The following CACNA2D2 variants were observed in gnomAD, a reference collection of about 807,000 sequenced individuals.
The protein encoded by CACNA2D2 is voltage-dependent calcium channel subunit alpha-2/delta-2.
A neutral mutation model predicts 166.4 loss-of-function variants in CACNA2D2; 48 were observed. That is an observed-to-expected ratio of 0.29 (90% CI 0.23 to 0.37). CACNA2D2 has a LOEUF of 0.37. CACNA2D2 is among the 10% of genes least tolerant of loss of function. The pLI is 1.00. For synonymous variants in CACNA2D2, 561 were observed against 573.7 expected (o/e 0.98, Z 0.32); for missense variants, 1,122 against 1,433.0 (o/e 0.78, Z 3.50).
At chr3:50,451,867 C>T (rs1196849201) in intron 2 of CACNA2D2, among the ~76,000 whole-genome samples, 1 of 152,154 alleles carries the variant, frequency 6.6e-6, no homozygotes, top group African/African-American at 2.4e-5. Context: ...GGCAATGGTC[C>T]ATTTTGCAGG....
At chr3:50,400,125 AT>A (rs1706368486) in intron 3 of CACNA2D2, among the ~76,000 whole-genome samples, 1 of 152,260 alleles carries the variant, frequency 6.6e-6, no homozygotes, top group Non-Finnish European at 1.5e-5. Context: ...TGAGTAAATA[AT>A]ATACATATTT....
In CACNA2D2 at chr3:50,395,300, G is replaced by A. The variant is rs537190011; in HGVS notation, c.406-1132C>T. Among the ~76,000 whole-genome samples, 13 of 152,272 alleles carry A rather than the reference G, an allele frequency of 8.5e-5. No individual in the cohort carries two copies. In the East Asian group the frequency reaches 1.7e-3, roughly 20 times the overall value. On this transcript the variant is annotated intron_variant, in intron 3 of 37. Transcript: ENST00000424201. ...GATGAGGACGGCCAGGCACAGAGACGGCCAGCAGCCTGCCCAAGGTCACAT... is the reference window on the plus strand; with the variant it reads ...GATGAGGACGGCCAGGCACAGAGACAGCCAGCAGCCTGCCCAAGGTCACAT...
At chr3:50,395,854 G>C (rs1263277984) in intron 3 of CACNA2D2, among the ~76,000 whole-genome samples, 2 of 152,308 alleles carry the variant, frequency 1.3e-5, no homozygotes, top group East Asian at 3.9e-4. Flanking sequence ...AACACTGAGT[G>C]GTGGGGGAGG....
intron 2 of CACNA2D2, among the ~76,000 whole-genome samples, chr3:50,434,991 C>T (rs1337446363): frequency 6.6e-6 from 1 of 152,186 alleles, no homozygotes; most frequent in South Asian, 2.1e-4. Flanking sequence ...GGCAATCCCA[C>T]GGGCTCCTCT....
chr3:50,431,299 G>A lies in CACNA2D2; in HGVS notation c.405+3014C>T, dbSNP rs539260136. Among the ~76,000 whole-genome samples the A allele has an allele frequency of 7.6e-4, 115 of 152,128 alleles. 1 individual carries two copies. The highest frequency in any genetic ancestry group is 2.1e-3 in the African/African-American group (86 of 41,518). ...AACCAAAGCTCATCTTCAACAATTA[G>A]GACCAAGCAGGGGGAAGGGTGATCC... On this transcript the variant is annotated intron_variant, in intron 3 of 37. Transcript: ENST00000424201.
intron 3 of CACNA2D2, among the ~76,000 whole-genome samples, chr3:50,423,998 T>C (rs1707691982): frequency 6.6e-6 from 1 of 152,250 alleles, no homozygotes; most frequent in Non-Finnish European, 1.5e-5. Flanking sequence ...GAAGCATCCC[T>C]CCCTGGACTG....
At chr3:50,409,294 A>G (rs1268218435) in intron 3 of CACNA2D2, among the ~76,000 whole-genome samples, 1 of 152,214 alleles carries the variant, frequency 6.6e-6, no homozygotes, top group Non-Finnish European at 1.5e-5. Context: ...CTGGAAGTGG[A>G]GTGTGGACCC....
At chr3:50,483,659 T>C (rs1698155996) in intron 1 of CACNA2D2, among the ~76,000 whole-genome samples, 1 of 152,016 alleles carries the variant, frequency 6.6e-6, no homozygotes, top group Non-Finnish European at 1.5e-5. Context: ...GTAGCAGCAA[T>C]ACCCAGCAAT....
At chr3:50,447,111 TGAA>T (rs967997286) in intron 2 of CACNA2D2, among the ~76,000 whole-genome samples, 7 of 151,816 alleles carry the variant, frequency 4.6e-5, no homozygotes, top group Admixed American at 6.6e-5. Flanking sequence ...CATGCAAAGG[TGAA>T]GAAGAAGGAA....
chr3:50,460,217 G>T (rs537860714), intron 2 of CACNA2D2, among the ~76,000 whole-genome samples: 1 of 152,198 alleles, frequency 6.6e-6, no homozygotes, highest in African/African-American at 2.4e-5. Flanking sequence ...TTTGATCCTG[G>T]AACCAAAAAA....
At chr3:50,436,102 A>G (rs1246045423) in intron 2 of CACNA2D2, among the ~76,000 whole-genome samples, 3 of 152,202 alleles carry the variant, frequency 2.0e-5, no homozygotes, top group Admixed American at 6.5e-5. Context: ...AGGAGAGGGA[A>G]GGTCAAGGCC....
At chr3:50,430,136 C>T (rs1708002619) in intron 3 of CACNA2D2, among the ~76,000 whole-genome samples, 1 of 152,190 alleles carries the variant, frequency 6.6e-6, no homozygotes, top group Non-Finnish European at 1.5e-5. Context: ...AAAAGGGCCT[C>T]CCGGAAAGCA....
At chr3:50,491,644 G>A (rs190689548) in intron 1 of CACNA2D2, among the ~76,000 whole-genome samples, 1 of 152,168 alleles carries the variant, frequency 6.6e-6, no homozygotes, top group African/African-American at 2.4e-5. Context: ...GAGAACAGGC[G>A]ACAGCACCAC....
chr3:50,377,944 C>A, intron 15 of CACNA2D2, 64 bp downstream of exon 15: 1 of 1,561,318 alleles, frequency 6.4e-7, no homozygotes, highest in Non-Finnish European at 8.8e-7. Flanking sequence ...AGGGTCTTGA[C>A]CCTGTGGGCA....
upstream of CACNA2D2, chr3:50,503,713 C>CCTCT (rs1487185844): frequency 2.0e-5 from 3 of 152,702 alleles, no homozygotes; most frequent in Non-Finnish European, 2.9e-5. Context: ...TCCCTCCCTC[C>CCTCT]CTCTCTCTTC....
At chr3:50,496,542 T>G (rs555396649) in intron 1 of CACNA2D2, among the ~76,000 whole-genome samples, 1 of 152,328 alleles carries the variant, frequency 6.6e-6, no homozygotes, top group South Asian at 2.1e-4. Context: ...GGATGGGTGC[T>G]GGGTGCTATG....
chr3:50,371,346 ATGTGTGTGTG>A (rs35155126), intron 22 of CACNA2D2, among the ~76,000 whole-genome samples: 3 of 148,494 alleles, frequency 2.0e-5, no homozygotes, highest in Admixed American at 6.7e-5. Flanking sequence ...GTGAGCATGC[ATGTGTGTGTG>A]TGTGTGTGTG....
intron 1 of CACNA2D2, among the ~76,000 whole-genome samples, chr3:50,489,660 T>C (rs1330835174): frequency 1.3e-5 from 2 of 152,146 alleles, no homozygotes; most frequent in Non-Finnish European, 2.9e-5. Flanking sequence ...GGGCTGGATC[T>C]ATATGCAAGG....
rs942678730 is a variant in CACNA2D2 at position 50,376,788 on chromosome 3, G to A, written c.1627-600C>T. Among the ~76,000 whole-genome samples the A allele has an allele frequency of 1.3e-5, 2 of 152,168 alleles. No individual in the cohort carries two copies. Among genetic ancestry groups the A allele is most frequent in the Non-Finnish European group, 2.9e-5 (2 of 68,026 alleles). ...AGGGGGGCTCAGGCTTAATGATGCTGTTGTACATACCACACCTCTCCCCCT... is the reference window on the plus strand; with the variant it reads ...AGGGGGGCTCAGGCTTAATGATGCTATTGTACATACCACACCTCTCCCCCT... On this transcript the variant is annotated intron_variant, in intron 17 of 37. Transcript: ENST00000424201. The surrounding 1 kb of genome is among the most constrained non-coding windows in gnomAD (Gnocchi z 4.3).
Sources: allele counts gnomAD v4.1 joint callset (sites outside exome capture counted in the v4.1 genomes callset), GRCh38; gene constraint gnomAD v4.1.1; non-coding constraint Gnocchi (gnomAD v3.1); transcripts MANE v1.5; gene names NCBI Gene and HGNC (gene_info 2026-07-23, HGNC 2026-07-21).